Variants in TEX38 observed in about 807,000 individuals in gnomAD.
TEX38 encodes the protein testis-expressed protein 38.
Under a neutral mutation model 2.7 loss-of-function variants are expected in TEX38, and 5 were observed. The ratio of observed to expected loss-of-function variants is 1.86; its 90% CI spans 0.97 to 3.90. TEX38 has a LOEUF of 3.90. Ranked by LOEUF, TEX38 falls within the 30% of genes most tolerant of loss-of-function variation. TEX38 has a pLI of 0.00. For missense variants in TEX38, 218 were observed against 247.9 expected (o/e 0.88, Z 0.81); for synonymous variants, 110 against 103.3 (o/e 1.06, Z -0.39).
At chr1:46,671,058 A>G (rs1231396671), upstream of TEX38, among the ~76,000 whole-genome samples, 1 of 152,088 alleles carries the variant, frequency 6.6e-6, no homozygotes, top group Non-Finnish European at 1.5e-5. Flanking sequence ...GATGAACTAG[A>G]CAACTCTCAA....
chr1:46,670,811 G>A (rs1030208578), upstream of TEX38, among the ~76,000 whole-genome samples: 242 of 152,272 alleles, frequency 1.6e-3, 2 homozygotes, highest in Non-Finnish European at 1.2e-4. Context: ...TCATTAAAAT[G>A]GTGCTAAGAA....
At position 46,672,950 on chromosome 1, in the gene TEX38, A is replaced by G; in HGVS notation, c.115A>G (p.Arg39Gly). The change falls in exon 2 of 2, where the codon AGG becomes GGG. Residue 39 changes from arginine to glycine, a missense_variant. Transcript: ENST00000334122. ...TGGCIIFLHW[R>G]KNLRREEHAQ... ...AGGGTGCATTATCTTTCTGCACTGG[A>G]GGAAGAACTTGAGGCGGGAAGAGCA... The G allele has an allele frequency of 6.4e-7, 1 of 1,551,644 alleles. No individual in the cohort carries two copies. The highest frequency in any genetic ancestry group is 8.7e-7 in the Non-Finnish European group (1 of 1,146,990).
upstream of TEX38, among the ~76,000 whole-genome samples, chr1:46,670,208 T>C (rs535713616): frequency 1.2e-4 from 19 of 152,100 alleles, no homozygotes; most frequent in African/African-American, 4.6e-4. Flanking sequence ...ACTAAAGTGA[T>C]AGTGATAAAA....
chr1:46,669,595 T>C, upstream of TEX38: 1 of 432,356 alleles, frequency 2.3e-6, no homozygotes, highest in East Asian at 7.1e-5. Flanking sequence ...CTTAGATCCT[T>C]GTTTATATTA....
At chr1:46,670,345 G>C (rs576434254), upstream of TEX38, among the ~76,000 whole-genome samples, 23 of 152,326 alleles carry the variant, frequency 1.5e-4, no homozygotes, top group Admixed American at 4.6e-4. Context: ...TGAACAACCC[G>C]AAGGACAGAG....
chr1:46,671,932 T>G lies in TEX38; in HGVS notation c.-3T>G. The G allele has an allele frequency of 6.4e-7, 1 of 1,550,414 alleles. No individual in the cohort carries two copies. The highest frequency in any genetic ancestry group is 8.7e-7 in the Non-Finnish European group (1 of 1,146,288). Reference sequence around the variant, plus strand: ...CATCGGCCAGGTACCAAAGCTCAGCTGTATGGATTCCCAACAGGAGGACCT... The same window carrying G: ...CATCGGCCAGGTACCAAAGCTCAGCGGTATGGATTCCCAACAGGAGGACCT... On this transcript the variant is annotated 5_prime_UTR_variant, in exon 1 of 2. Coordinates refer to ENST00000334122, the MANE Select transcript of TEX38 (RefSeq NM_001145474.4).
upstream of TEX38, among the ~76,000 whole-genome samples, chr1:46,671,536 G>C (rs1349158685): frequency 6.6e-6 from 1 of 152,178 alleles, no homozygotes; most frequent in African/African-American, 2.4e-5. Flanking sequence ...CCTCACTGGG[G>C]ACAGGTATCC....
chr1:46,669,325 T>G, upstream of TEX38: 1 of 445,156 alleles, frequency 2.2e-6, no homozygotes, highest in Non-Finnish European at 4.5e-6. Context: ...AGATCAGCCC[T>G]GAGCCCTGCC....
chr1:46,672,847 C>T (rs1251812391), intron 1 of TEX38, 26 bp from the exon 2 acceptor site: 24 of 1,531,432 alleles, frequency 1.6e-5, no homozygotes, highest in Non-Finnish European at 2.1e-5. Context: ...AGCCAGCATG[C>T]CTCTTTTTCT....
upstream of TEX38, chr1:46,671,795 TGACCTCTCCTTTAG>T: frequency 1.2e-6 from 1 of 850,336 alleles, no homozygotes; most frequent in Non-Finnish European, 2.0e-6. Flanking sequence ...CAGAACCCAG[TGACCTCTCCTTTAG>T]AGAACAAAGG....
Position 46,673,456 on chromosome 1 carries a change from GCCT to G in TEX38, c.*5_*7del. 1.3e-6 allele frequency: 2 copies of G among 1,543,900 alleles called. No individual in the cohort carries two copies. The highest frequency in any genetic ancestry group is 1.8e-6 in the Non-Finnish European group (2 of 1,142,030). ...CCAAGCCTTTTCCTTCAGAACTGTA[GCCT>G]CCTCTCACTGAAGGTGGGAGCTGCA... On this transcript the variant is annotated 3_prime_UTR_variant, in exon 2 of 2. Coordinates refer to ENST00000334122, the MANE Select transcript of TEX38 (RefSeq NM_001145474.4).
upstream of TEX38, chr1:46,671,809 G>C (rs1676586780): frequency 1.0e-6 from 1 of 970,914 alleles, no homozygotes; most frequent in Admixed American, 2.0e-5. Context: ...CTCTCCTTTA[G>C]AGAACAAAGG....
Position 46,673,021 on chromosome 1 carries a change from C to T in TEX38, c.186C>T (p.Tyr62=). 1.9e-6 allele frequency: 3 copies of T among 1,551,710 alleles called. No individual in the cohort carries two copies. Among genetic ancestry groups the T allele is most frequent in the Non-Finnish European group, 1.7e-6 (2 of 1,146,974 alleles). ...VEVMRAATFT[Y]SPLLYWINKR... is the part of the protein sequence containing the mutation. ...TGATGAGAGCTGCCACATTCACCTA[C>T]AGCCCATTGTTGTACTGGATTAACA... Residue 62 remains tyrosine (Y), a synonymous_variant, in exon 2 of 2, where the codon TAC becomes TAT. Transcript: ENST00000334122.
upstream of TEX38, chr1:46,671,676 G>C: frequency 2.0e-6 from 1 of 506,474 alleles, no homozygotes; most frequent in Non-Finnish European, 3.6e-6. Flanking sequence ...ACCAGTCTCT[G>C]ATGGAAGTAG....
chr1:46,672,889 C>T lies in TEX38; in HGVS notation c.54C>T (p.Tyr18=). The change falls in exon 2 of 2, where the codon TAC becomes TAT. Residue 18 remains tyrosine, a synonymous_variant. Transcript: ENST00000334122. The stretch of plus-strand genomic sequence containing the variant: ...CTGCCTTAGTGTGGGTCTCATTGTA[C>T]TTTGGAATCCTGGGGCTGTGTTCTG... ...LRFPGMWVSL[Y]FGILGLCSVI... 1 of 1,551,160 alleles carries T rather than the reference C, an allele frequency of 6.4e-7. No individual in the cohort carries two copies.
rs1676626314 is a variant in TEX38, at chr1:46,673,321, A to C, written c.486A>C (p.Leu162=). The C allele has an allele frequency of 6.5e-7, 1 of 1,549,858 alleles. No individual in the cohort carries two copies. Residue 162 remains leucine (L), a synonymous_variant, in exon 2 of 2, where the codon CTA becomes CTC. Transcript: ENST00000334122. ...CCTTTGCCCCACCCTTGTGCAACCT[A>C]CCCCCCCTGCTGAACCACTCTGTCT... The part of the protein sequence containing the change: ...EVPFAPPLCN[L]PPLLNHSVSY...
At chr1:46,669,597 T>C, upstream of TEX38, 1 of 430,198 alleles carries the variant, frequency 2.3e-6, no homozygotes, top group South Asian at 1.6e-5. Context: ...TAGATCCTTG[T>C]TTATATTAAT....
rs1256955586 is a variant in TEX38, at chr1:46,673,355, T to G, written c.520T>G (p.Leu174Val). 1.3e-6 allele frequency: 2 copies of G among 1,551,746 alleles called. No individual in the cohort carries two copies. The highest frequency in any genetic ancestry group is 1.7e-6 in the Non-Finnish European group (2 of 1,147,032). Reference protein sequence around the residue: ...PLLNHSVSYPLATCPERNVLF... With the variant: ...PLLNHSVSYPVATCPERNVLF... Reference sequence around the variant, plus strand: ...GCTGAACCACTCTGTCTCCTATCCTTTGGCCACCTGTCCTGAAAGGAATGT... The same window carrying G: ...GCTGAACCACTCTGTCTCCTATCCTGTGGCCACCTGTCCTGAAAGGAATGT... Residue 174 changes from leucine (L) to valine (V), a missense_variant, in exon 2 of 2, where the codon TTG becomes GTG. Coordinates refer to ENST00000334122, the MANE Select transcript of TEX38 (RefSeq NM_001145474.4).
chr1:46,669,695 C>T (rs1676555137), upstream of TEX38, among the ~76,000 whole-genome samples: 1 of 151,916 alleles, frequency 6.6e-6, no homozygotes, highest in African/African-American at 2.4e-5. Context: ...AAACAGCAGG[C>T]CAAGAGAGAT....
Sources: allele counts gnomAD v4.1 joint callset (sites outside exome capture counted in the v4.1 genomes callset), GRCh38; gene constraint gnomAD v4.1.1; transcripts MANE v1.5; gene names NCBI Gene and HGNC (gene_info 2026-07-23, HGNC 2026-07-21).